The following MSH3 variants were observed in gnomAD, a reference collection of about 807,000 sequenced individuals.
MSH3 encodes DNA mismatch repair protein Msh3.
A neutral mutation model predicts 123.3 loss-of-function variants in MSH3; 106 were observed. The ratio of observed to expected loss-of-function variants is 0.86; its 90% CI spans 0.73 to 1.01. The LOEUF is 1.01. Among genes scored for constraint, MSH3 ranks in the 50% least tolerant of loss-of-function variants. MSH3 has a pLI of 0.00. For missense variants in MSH3, 1,459 were observed against 1,347.6 expected, an observed-to-expected ratio of 1.08 and a Z score of -1.29; for synonymous variants, 515 against 481.4, an observed-to-expected ratio of 1.07 and a Z score of -0.91.
chr5:80,787,473 A>T, intron 17 of MSH3, 92 bp from the exon 18 acceptor site: 1 of 828,962 alleles, frequency 1.2e-6, no homozygotes, highest in Non-Finnish European at 2.1e-6. Flanking sequence ...GTATGCTTAC[A>T]CTAGCTGATA....
chr5:80,763,091 C>T (rs986622161), intron 13 of MSH3, among the ~76,000 whole-genome samples: 2 of 152,302 alleles, frequency 1.3e-5, no homozygotes, highest in Admixed American at 1.3e-4. Context: ...AGGTGATCCA[C>T]CCGCCTCGGC....
At chr5:80,669,621 C>T (rs570480547) in intron 3 of MSH3, among the ~76,000 whole-genome samples, 1 of 152,198 alleles carries the variant, frequency 6.6e-6, no homozygotes, top group East Asian at 1.9e-4. Flanking sequence ...ATAGAATGTG[C>T]TGTCTTTTAC....
chr5:80,859,831 G>A lies in MSH3; in HGVS notation c.3001-4982G>A, dbSNP rs555144584. Among the ~76,000 whole-genome samples the A allele has an allele frequency of 2.6e-5, 4 of 151,414 alleles. No homozygotes were observed. In the East Asian group the frequency reaches 5.9e-4, roughly 22 times the overall value. Reference sequence around the variant, plus strand: ...GGGCTGAAGTGACCTTCCCACCTCAGCCTCCCAGGTAGCTGGGAGTACAGG... The same window carrying A: ...GGGCTGAAGTGACCTTCCCACCTCAACCTCCCAGGTAGCTGGGAGTACAGG... On this transcript the variant is annotated intron_variant, in intron 21 of 23. Coordinates refer to ENST00000265081, the MANE Select transcript of MSH3 (RefSeq NM_002439.5).
At position 80,847,843 on chromosome 5, in the gene MSH3, C is replaced by G. The variant is rs749169429; in HGVS notation, c.2814-6287C>G. Reference sequence around the variant, plus strand: ...GCTTTCAACTGTTAGGACATGGTCTCCGTGTTTTAAATCTATTTGTTTGTA... The same window carrying G: ...GCTTTCAACTGTTAGGACATGGTCTGCGTGTTTTAAATCTATTTGTTTGTA... On this transcript the variant is annotated intron_variant, in intron 20 of 23. Coordinates refer to ENST00000265081, the MANE Select transcript of MSH3 (RefSeq NM_002439.5). Among the ~76,000 whole-genome samples, 194 of 152,202 alleles carry G rather than the reference C, an allele frequency of 1.3e-3. 1 individual carries two copies. The highest frequency in any genetic ancestry group is 7.1e-4 in the Non-Finnish European group (48 of 68,042).
chr5:80,793,076 A>G (rs577112617), intron 19 of MSH3, among the ~76,000 whole-genome samples: 16 of 152,358 alleles, frequency 1.1e-4, no homozygotes, highest in Non-Finnish European at 2.1e-4. Context: ...TATCCTAGGT[A>G]ACCCAATAAA....
chr5:80,711,288 G>A (rs956789706), intron 8 of MSH3, among the ~76,000 whole-genome samples: 5 of 152,142 alleles, frequency 3.3e-5, no homozygotes, highest in South Asian at 4.1e-4. Flanking sequence ...TCTCCTTTGC[G>A]GATAGGTCCT....
intron 8 of MSH3, among the ~76,000 whole-genome samples, chr5:80,720,871 A>G (rs1751066306): frequency 6.6e-6 from 1 of 152,170 alleles, no homozygotes; most frequent in Non-Finnish European, 1.5e-5. Flanking sequence ...TTTAACTCCA[A>G]GTATTATTTA....
chr5:80,751,947 C>T (rs150754717), intron 12 of MSH3, among the ~76,000 whole-genome samples: 1,973 of 152,046 alleles, frequency 0.013, 17 homozygotes, highest in Middle Eastern at 0.037. Flanking sequence ...ATCTATTCAA[C>T]GTCTGATGTG....
At chr5:80,755,581 G>T (rs370643904) in intron 12 of MSH3, among the ~76,000 whole-genome samples, 1 of 152,084 alleles carries the variant, frequency 6.6e-6, no homozygotes, top group Non-Finnish European at 1.5e-5. Context: ...TAGATATGCT[G>T]GATCAAGCAT....
intron 19 of MSH3, among the ~76,000 whole-genome samples, chr5:80,806,039 T>C (rs886927866): frequency 1.1e-4 from 16 of 145,436 alleles, no homozygotes; most frequent in African/African-American, 3.9e-4. Context: ...TAATTTTTTA[T>C]AAACATTTTA....
chr5:80,802,406 G>T (rs1744804704), intron 19 of MSH3, among the ~76,000 whole-genome samples: 1 of 148,690 alleles, frequency 6.7e-6, no homozygotes, highest in Admixed American at 6.9e-5. Flanking sequence ...TCACAGAATT[G>T]ATTCTTTAAA....
intron 17 of MSH3, among the ~76,000 whole-genome samples, chr5:80,780,769 A>G (rs553532678): frequency 6.3e-4 from 96 of 152,268 alleles, no homozygotes; most frequent in African/African-American, 1.1e-3. Flanking sequence ...TCAGTAAGCT[A>G]ATGCACGAGA....
At chr5:80,721,303 G>A (rs1043576880) in intron 8 of MSH3, among the ~76,000 whole-genome samples, 1 of 152,036 alleles carries the variant, frequency 6.6e-6, no homozygotes, top group Non-Finnish European at 1.5e-5. Context: ...TCTGTTCATA[G>A]GAGTTTTTCC....
rs1749905246 is a variant in MSH3, at chr5:80,679,021, C to T, written c.1268C>T (p.Pro423Leu). ...ELETRMSSLQPVELLLPSALS... is the reference protein window; with the variant it reads ...ELETRMSSLQLVELLLPSALS... ...GAAACCCGGATGTCAAGCCTGCAGC[C>T]AGTAGAGCTGCTGCTTCCTTCGGCC... The change falls in exon 8 of 24, where the codon CCA (proline) becomes CTA (leucine). Residue 423 changes from proline (P) to leucine (L), a missense_variant. Transcript: ENST00000265081. 1.2e-6 allele frequency: 2 copies of T among 1,614,106 alleles called. No individual in the cohort carries two copies. The highest frequency in any genetic ancestry group is 1.7e-6 in the Non-Finnish European group (2 of 1,179,972).
chr5:80,782,798 A>G (rs962305853), intron 17 of MSH3, among the ~76,000 whole-genome samples: 2 of 152,232 alleles, frequency 1.3e-5, no homozygotes, highest in Non-Finnish European at 2.9e-5. Context: ...CATTAAAAAA[A>G]TGATTAACCT....
chr5:80,678,342 G>A (rs1429000286), intron 7 of MSH3, among the ~76,000 whole-genome samples: 1 of 152,172 alleles, frequency 6.6e-6, no homozygotes, highest in Admixed American at 6.5e-5. Flanking sequence ...TTAGGGAGCA[G>A]GTTCAAGTTG....
At chr5:80,668,708 A>C (rs1203777008) in intron 3 of MSH3, among the ~76,000 whole-genome samples, 2 of 151,912 alleles carry the variant, frequency 1.3e-5, no homozygotes, top group Non-Finnish European at 2.9e-5. Flanking sequence ...GGCCCTTGAG[A>C]TTGCAGAGAT....
intron 8 of MSH3, among the ~76,000 whole-genome samples, chr5:80,687,376 C>T (rs551739622): frequency 3.3e-5 from 5 of 152,142 alleles, no homozygotes; most frequent in Admixed American, 1.3e-4. Flanking sequence ...CTTTAGAAAG[C>T]GATAAACAAA....
intron 20 of MSH3, among the ~76,000 whole-genome samples, chr5:80,822,693 T>C (rs1321658009): frequency 6.6e-6 from 1 of 152,214 alleles, no homozygotes; most frequent in African/African-American, 2.4e-5. Context: ...CTTTCCCTCT[T>C]GGAGCACTGT....
Sources: gnomAD v4.1 joint callset for allele counts (sites outside exome capture counted in the v4.1 genomes callset) on GRCh38, gnomAD v4.1.1 for gene constraint, MANE v1.5 for transcripts, NCBI Gene and HGNC (gene_info 2026-07-23, HGNC 2026-07-21) for gene names.